Variants in NELL1 observed in about 807,000 individuals in gnomAD.
The protein encoded by NELL1 is neural EGFL like 1, also known as protein kinase C-binding protein NELL1.
NELL1 carries 76 observed loss-of-function variants against 107.4 expected under a neutral mutation model. The ratio of observed to expected loss-of-function variants is 0.71; its 90% CI spans 0.59 to 0.86. The LOEUF (loss-of-function observed/expected upper bound fraction) is 0.86. Among genes scored for constraint, NELL1 ranks in the 40% least tolerant of loss-of-function variants. The probability of loss-of-function intolerance (pLI) is 0.00; values close to 1 mark genes in which losing one functional copy is unlikely to be tolerated. For missense variants in NELL1, 1,024 were observed against 1,005.5 expected (o/e 1.02, Z -0.25); for synonymous variants, 353 against 341.2 (o/e 1.03, Z -0.38).
Position 21,350,366 on chromosome 11 carries a change from T to TA in NELL1, c.1550-20475dup, listed in dbSNP as rs398015516. Among the ~76,000 whole-genome samples, 244 of 145,668 alleles carry TA rather than the reference T, an allele frequency of 1.7e-3. 3 individuals carry two copies. The highest frequency in any genetic ancestry group is 3.6e-3 in the Middle Eastern group (1 of 278). The stretch of plus-strand genomic sequence containing the variant: ...ATTTAACTACTGAGCAAGATCTTTT[T>TA]AAAAAAAAAAAACTTTAATAACCAC... On this transcript the variant is annotated intron_variant, in intron 14 of 19. Transcript: ENST00000357134.
At chr11:20,762,552 A>T (rs139583363) in intron 2 of NELL1, among the ~76,000 whole-genome samples, 7 of 152,330 alleles carry the variant, frequency 4.6e-5, no homozygotes, top group Non-Finnish European at 1.0e-4. Flanking sequence ...AATTCATTTG[A>T]AAAAGTTGCA....
intron 3 of NELL1, among the ~76,000 whole-genome samples, chr11:20,842,737 T>C (rs1165880907): frequency 6.6e-6 from 1 of 152,216 alleles, no homozygotes; most frequent in Non-Finnish European, 1.5e-5. Context: ...ATTTTTAAGG[T>C]TGTTACGAGG....
chr11:21,080,264 T>C (rs960069824), intron 12 of NELL1, among the ~76,000 whole-genome samples: 2 of 152,098 alleles, frequency 1.3e-5, no homozygotes, highest in African/African-American at 4.8e-5. Context: ...GATTATTGAA[T>C]GAAATGTGTT....
At chr11:21,328,324 C>A (rs1850192347) in intron 14 of NELL1, among the ~76,000 whole-genome samples, 1 of 152,126 alleles carries the variant, frequency 6.6e-6, no homozygotes, top group Non-Finnish European at 1.5e-5. Flanking sequence ...GGGTGCAAGC[C>A]TTCAGCCTTG....
At chr11:21,211,124 G>A (rs1047903937) in intron 13 of NELL1, among the ~76,000 whole-genome samples, 1 of 152,116 alleles carries the variant, frequency 6.6e-6, no homozygotes, top group Non-Finnish European at 1.5e-5. Flanking sequence ...ACTAATAAAT[G>A]TAAATTATAA....
intron 12 of NELL1, among the ~76,000 whole-genome samples, chr11:20,970,365 A>G (rs1018762904): frequency 1.3e-5 from 2 of 152,068 alleles, no homozygotes; most frequent in African/African-American, 4.8e-5. Flanking sequence ...TTGACCATCT[A>G]TTGTGGCTGG....
intron 15 of NELL1, among the ~76,000 whole-genome samples, chr11:21,404,740 G>T (rs930117076): frequency 6.6e-6 from 1 of 151,964 alleles, no homozygotes; most frequent in African/African-American, 2.4e-5. Context: ...CCAGAACTGG[G>T]ATTAAAATTT....
chr11:21,106,279 A>G (rs955845778), intron 12 of NELL1, among the ~76,000 whole-genome samples: 1 of 152,026 alleles, frequency 6.6e-6, no homozygotes, highest in Non-Finnish European at 1.5e-5. Context: ...GACCTTAGAC[A>G]ATTTACTGCA....
intron 2 of NELL1, among the ~76,000 whole-genome samples, chr11:20,755,694 T>A (rs1170829311): frequency 6.6e-6 from 1 of 151,544 alleles, no homozygotes; most frequent in African/African-American, 2.4e-5. Context: ...TAACTGAGAT[T>A]ACAGGCATGA....
At chr11:21,060,376 G>A (rs182757454) in intron 12 of NELL1, among the ~76,000 whole-genome samples, 166 of 152,204 alleles carry the variant, frequency 1.1e-3, no homozygotes, top group Non-Finnish European at 2.1e-3. Context: ...ACTTAAAAAC[G>A]TTAGCTGTTG....
rs1266747829 is a variant in NELL1, at chr11:20,937,681, C to A, written c.998-105C>A. On this transcript the variant is annotated intron_variant, in intron 9 of 19. Transcript: ENST00000357134. Reference sequence around the variant, plus strand: ...CAAAGAGATTTGTATTGCTCAGAAGCAGAGAATCTAGGTTTCTGTGGAATC... The same window carrying A: ...CAAAGAGATTTGTATTGCTCAGAAGAAGAGAATCTAGGTTTCTGTGGAATC... The A allele has an allele frequency of 5.1e-6, 4 of 792,010 alleles. No individual in the cohort carries two copies. The East Asian group carries it at 1.0e-4, about 20-fold the overall frequency. 49.1% of individuals were successfully genotyped at this position (792,010 alleles called of 1,614,324 possible). A position where few individuals can be genotyped will look rare whatever the true frequency, so the allele number is the denominator to read the frequency against.
chr11:20,738,178 T>C (rs537450781), intron 2 of NELL1, among the ~76,000 whole-genome samples: 150 of 152,150 alleles, frequency 9.9e-4, no homozygotes, highest in Non-Finnish European at 1.9e-3. Flanking sequence ...GCTGTGCACG[T>C]GTGTTTTCCA....
intron 13 of NELL1, among the ~76,000 whole-genome samples, chr11:21,135,016 A>T (rs1380114535): frequency 6.6e-6 from 1 of 152,206 alleles, no homozygotes; most frequent in African/African-American, 2.4e-5. Context: ...TGTGCAAAAC[A>T]TGCTAGAGTC....
intron 14 of NELL1, among the ~76,000 whole-genome samples, chr11:21,252,259 T>C (rs780657346): frequency 4.5e-4 from 69 of 152,128 alleles, no homozygotes; most frequent in Non-Finnish European, 1.5e-4. Flanking sequence ...ATCTTGAGAA[T>C]AGGGACCAAG....
At chr11:20,826,163 T>C (rs568031774) in intron 3 of NELL1, among the ~76,000 whole-genome samples, 2 of 151,446 alleles carry the variant, frequency 1.3e-5, no homozygotes, top group Admixed American at 6.6e-5. Flanking sequence ...CTTTCTTTTA[T>C]AAATTACCCA....
intron 12 of NELL1, among the ~76,000 whole-genome samples, chr11:21,068,857 G>A (rs1853943539): frequency 1.3e-5 from 2 of 152,150 alleles, no homozygotes; most frequent in African/African-American, 4.8e-5. Context: ...GCCTTGGAGA[G>A]TGCTTAATAT....
At chr11:20,975,133 G>A (rs577094384) in intron 12 of NELL1, among the ~76,000 whole-genome samples, 124 of 151,948 alleles carry the variant, frequency 8.2e-4, no homozygotes, top group African/African-American at 2.6e-3. Flanking sequence ...CTCAGCTTCC[G>A]AAGTAGCTGG....
intron 15 of NELL1, among the ~76,000 whole-genome samples, chr11:21,507,688 G>GA (rs561588638): frequency 6.9e-6 from 1 of 144,664 alleles, no homozygotes; most frequent in Non-Finnish European, 1.5e-5. Flanking sequence ...GAATAAAAAA[G>GA]AAAAAAATAA....
chr11:21,324,370 T>C, intron 14 of NELL1, among the ~76,000 whole-genome samples: 1 of 152,144 alleles, frequency 6.6e-6, no homozygotes, highest in African/African-American at 2.4e-5. Context: ...CAAAAATTAT[T>C]GGATAAAAAT....
Sources: allele counts gnomAD v4.1 joint callset (sites outside exome capture counted in the v4.1 genomes callset), GRCh38; gene constraint gnomAD v4.1.1; transcripts MANE v1.5; gene names NCBI Gene and HGNC (gene_info 2026-07-23, HGNC 2026-07-21).